The following BICD2 variants were observed in gnomAD, a reference collection of about 807,000 sequenced individuals.
BICD2 encodes protein bicaudal D homolog 2.
BICD2 carries 25 observed loss-of-function variants against 72.9 expected under a neutral mutation model. The ratio of observed to expected loss-of-function variants is 0.34; its 90% CI spans 0.25 to 0.48. The LOEUF (loss-of-function observed/expected upper bound fraction) is 0.48. Among genes scored for constraint, BICD2 ranks in the 20% least tolerant of loss-of-function variants. The pLI is 0.99. For missense variants in BICD2, 894 were observed against 1,175.2 expected, an observed-to-expected ratio of 0.76 and a Z score of 3.50; for synonymous variants, 501 against 516.1, an observed-to-expected ratio of 0.97 and a Z score of 0.40.
chr9:92,718,647 G>T lies in BICD2; in HGVS notation c.1998C>A (p.Asp666Glu). The T allele has an allele frequency of 6.2e-7, 1 of 1,613,968 alleles. No homozygotes were observed. Among genetic ancestry groups the T allele is most frequent in the Non-Finnish European group, 8.5e-7 (1 of 1,180,034 alleles). The stretch of plus-strand genomic sequence containing the variant: ...CCTCCATAAGCGCTTCCTTGTCCTT[G>T]TCCACGGCGGGGCCCAGCTCCTGAG... Reference protein sequence around the residue: ...IASQELGPAVDKDKEALMEEI... With the variant: ...IASQELGPAVEKDKEALMEEI... The change falls in exon 5 of 7, where the codon GAC becomes GAA. Residue 666 changes from aspartate to glutamate, a missense_variant. Asp to Glu is a conservative substitution (Grantham distance 45). Around this residue, in one of 5 missense-constraint regions of BICD2, gnomAD observed 321 missense variants for 443.9 expected, o/e 0.72. Coordinates refer to ENST00000356884, the MANE Select transcript of BICD2 (RefSeq NM_001003800.2).
intron 3 of BICD2, among the ~76,000 whole-genome samples, chr9:92,721,470 T>A (rs372131176): frequency 1.3e-5 from 2 of 152,240 alleles, no homozygotes; most frequent in East Asian, 3.8e-4. Flanking sequence ...TGATGCCTGA[T>A]GTGGAGGCTC....
chr9:92,733,836 G>C (rs959773004), intron 1 of BICD2, among the ~76,000 whole-genome samples: 1 of 152,046 alleles, frequency 6.6e-6, no homozygotes, highest in Middle Eastern at 3.4e-3. Flanking sequence ...GCGTGGCGGC[G>C]GGCGCCCGTA....
At position 92,715,457 on chromosome 9, in the gene BICD2, G is replaced by A. The variant is rs751036331; in HGVS notation, c.2265C>T (p.Asp755=). Residue 755 remains aspartate, a synonymous_variant, in exon 7 of 7, where the codon GAC becomes GAT. Coordinates refer to ENST00000356884, the MANE Select transcript of BICD2 (RefSeq NM_001003800.2). ...SLRAMFATRC[D]EYITQLDEMQ... ...TCTCATCCAGCTGTGTAATGTACTC[G>A]TCACACCTGTGGGTACCAAAAACAT... The A allele has an allele frequency of 5.4e-5, 85 of 1,583,362 alleles. No individual in the cohort carries two copies. Among genetic ancestry groups the A allele is most frequent in the Non-Finnish European group, 6.8e-5 (79 of 1,159,002 alleles).
chr9:92,729,275 CA>C lies in BICD2; in HGVS notation c.241-40del, dbSNP rs778840554. 5.5e-4 allele frequency: 876 copies of C among 1,606,102 alleles called. 2 individuals carry two copies. Among genetic ancestry groups the C allele is most frequent in the Non-Finnish European group, 7.2e-4 (842 of 1,174,276 alleles). ...CAAGACACTCGTGAGGTGGGCCTCCCAGGGGCGCCGAAGGATAGAGACCCAG... is the reference window on the plus strand; with the variant it reads ...CAAGACACTCGTGAGGTGGGCCTCCCGGGGCGCCGAAGGATAGAGACCCAG... On this transcript the variant is annotated intron_variant, in intron 1 of 6. Transcript: ENST00000356884.
At chr9:92,733,522 A>AG (rs1477872947) in intron 1 of BICD2, among the ~76,000 whole-genome samples, 4 of 151,944 alleles carry the variant, frequency 2.6e-5, no homozygotes, top group Non-Finnish European at 5.9e-5. Flanking sequence ...TGGACGACAG[A>AG]GGAAAAAAAA....
In BICD2 at chr9:92,715,416, G is replaced by A. The variant is rs773121830; in HGVS notation, c.2306C>T (p.Ala769Val). ...TQLDEMQRQL[A>V]AAEDEKKTLN... ...CGTCTTCTTCTCGTCCTCAGCAGCCGCCAGCTGCCGCTGCATCTCATCCAG... is the reference window on the plus strand; with the variant it reads ...CGTCTTCTTCTCGTCCTCAGCAGCCACCAGCTGCCGCTGCATCTCATCCAG... Residue 769 changes from alanine to valine, a missense_variant, in exon 7 of 7, where the codon GCG (alanine) becomes GTG (valine). Coordinates refer to ENST00000356884, the MANE Select transcript of BICD2 (RefSeq NM_001003800.2). 10 of 1,604,268 alleles carry A rather than the reference G, an allele frequency of 6.2e-6. No homozygotes were observed. In the East Asian group the frequency reaches 6.7e-5, roughly 11 times the overall value.
At position 92,715,241 on chromosome 9, in the gene BICD2, G is replaced by C. The variant is rs777787730; in HGVS notation, c.2481C>G (p.Thr827=). 2.5e-6 allele frequency: 4 copies of C among 1,613,318 alleles called. No individual in the cohort carries two copies. The highest frequency in any genetic ancestry group is 3.4e-6 in the Non-Finnish European group (4 of 1,179,944). The stretch of plus-strand genomic sequence containing the variant: ...CGGCCCTGTCGCTGGCACAGGCACA[G>C]GTGTGACTTACGCTCGGTGTGGCTG... ...TKPATPSVSH[T]CACASDRAEG... is the part of the protein sequence containing the mutation. The change falls in exon 7 of 7, where the codon ACC becomes ACG. Residue 827 remains threonine, a synonymous_variant. Coordinates refer to ENST00000356884, the MANE Select transcript of BICD2 (RefSeq NM_001003800.2).
At position 92,719,519 on chromosome 9, in the gene BICD2, T is replaced by C. The variant is rs757885234; in HGVS notation, c.1126A>G (p.Thr376Ala). The C allele has an allele frequency of 9.3e-6, 15 of 1,613,350 alleles. No individual in the cohort carries two copies. The South Asian group carries it at 1.6e-4, about 18-fold the overall frequency. The change falls in exon 5 of 7, where the codon ACG (threonine) becomes GCG (alanine). Residue 376 changes from threonine to alanine, a missense_variant. Transcript: ENST00000356884. ...TGCTGTTCTGACAGGGAGCCCCGCG[T>C]GTGCTCCAGCTGCTTCTGTGTGTCC... ...LQDTQKQLEH[T>A]RGSLSEQQEK...
rs1455487169 is a variant in BICD2, at chr9:92,722,764, G to A, written c.498C>T (p.Asp166=). 2 of 1,613,600 alleles carry A rather than the reference G, an allele frequency of 1.2e-6. No individual in the cohort carries two copies. Among genetic ancestry groups the A allele is most frequent in the Non-Finnish European group, 8.5e-7 (1 of 1,179,876 alleles). Residue 166 remains aspartate, a synonymous_variant, in exon 3 of 7, where the codon GAC becomes GAT. Coordinates refer to ENST00000356884, the MANE Select transcript of BICD2 (RefSeq NM_001003800.2). ...VEIQRGRLRD[D]IKEYKFREAR... ...CTTCCCGGAATTTGTACTCCTTGAT[G>A]TCATCCCGCAGGCGGCCACGCTGGA...
At chr9:92,744,507 A>G (rs143977889) in intron 1 of BICD2, among the ~76,000 whole-genome samples, 2 of 151,888 alleles carry the variant, frequency 1.3e-5, no homozygotes, top group Non-Finnish European at 2.9e-5. Context: ...TTTACCTTAC[A>G]CTCCAGTAAA....
chr9:92,738,434 T>C (rs1853831971), intron 1 of BICD2, among the ~76,000 whole-genome samples: 1 of 152,144 alleles, frequency 6.6e-6, no homozygotes, highest in South Asian at 2.1e-4. Flanking sequence ...CCTTACTCTG[T>C]AGCCAGCTAG....
chr9:92,713,818 G>A lies in BICD2; in HGVS notation c.*1336C>T. 1 of 1,112,480 alleles carries A rather than the reference G, an allele frequency of 9.0e-7. No homozygotes were observed. Among genetic ancestry groups the A allele is most frequent in the Non-Finnish European group, 1.1e-6 (1 of 904,678 alleles). The allele number at this position is 1,112,480 out of a possible 1,614,324, so 68.9% of individuals were successfully genotyped here. On this transcript the variant is annotated 3_prime_UTR_variant, in exon 7 of 7. Coordinates refer to ENST00000356884, the MANE Select transcript of BICD2 (RefSeq NM_001003800.2). ...TCTGGAGGGGACCGAAACATACTCG[G>A]CACCAAAGGGAAGAACGCGCAGGGC...
chr9:92,714,042 G>C lies in BICD2; in HGVS notation c.*1112C>G. The C allele has an allele frequency of 2.0e-6, 2 of 986,144 alleles. No homozygotes were observed. The highest frequency in any genetic ancestry group is 2.4e-6 in the Non-Finnish European group (2 of 830,406). 61.1% of individuals were successfully genotyped at this position (986,144 alleles called of 1,614,324 possible). ...AAGGCAGGTGTGGATGGAGCCTCTG[G>C]AAATGGGAGAACCCTACAGCTACCT... On this transcript the variant is annotated 3_prime_UTR_variant, in exon 7 of 7. Transcript: ENST00000356884.
At chr9:92,761,049 G>C (rs567057725) in intron 1 of BICD2, among the ~76,000 whole-genome samples, 8 of 152,284 alleles carry the variant, frequency 5.3e-5, no homozygotes, top group African/African-American at 1.9e-4. Flanking sequence ...CAGGTGCTGG[G>C]AACAGGGCTC....
intron 1 of BICD2, among the ~76,000 whole-genome samples, chr9:92,742,707 C>T (rs543071952): frequency 1.3e-5 from 2 of 152,132 alleles, no homozygotes; most frequent in South Asian, 2.1e-4. Context: ...TATCACCCCC[C>T]CCAAAGAAAC....
chr9:92,712,458 C>T lies in BICD2; in HGVS notation c.*2696G>A, dbSNP rs917778811. 6.6e-5 allele frequency: 10 copies of T among 152,486 alleles called. No homozygotes were observed. The allele number at this position is 152,486 out of a possible 1,614,324, so 9.4% of individuals were successfully genotyped here. A position where few individuals can be genotyped will look rare whatever the true frequency, so the allele number is the denominator to read the frequency against. On this transcript the variant is annotated 3_prime_UTR_variant, in exon 7 of 7. Transcript: ENST00000356884. ...AGGCACTACTGGCAATGATTACTAA[C>T]AAAAAGGTGTTGAAAGAGAACACCC...
chr9:92,716,686 T>C (rs763615707), intron 6 of BICD2, among the ~76,000 whole-genome samples: 8 of 152,210 alleles, frequency 5.3e-5, no homozygotes, highest in Non-Finnish European at 7.3e-5. Context: ...CAGGTGGCGC[T>C]ACCCATCTTT....
chr9:92,719,214 C>T lies in BICD2; in HGVS notation c.1431G>A (p.Glu477=), dbSNP rs1459424981. The part of the protein sequence containing the change: ...HAEEKGRYEA[E]GQALTEKVSL... ...AGACCTTCTCCGTGAGTGCCTGGCC[C>T]TCAGCCTCATAGCGGCCCTTCTCCT... Residue 477 remains glutamate, a synonymous_variant, in exon 5 of 7, where the codon GAG becomes GAA. Transcript: ENST00000356884. 6.2e-7 allele frequency: 1 copy of T among 1,611,422 alleles called. No individual in the cohort carries two copies. Among genetic ancestry groups the T allele is most frequent in the Non-Finnish European group, 8.5e-7 (1 of 1,179,990 alleles).
chr9:92,750,654 A>G (rs1854127603), intron 1 of BICD2, among the ~76,000 whole-genome samples: 1 of 152,128 alleles, frequency 6.6e-6, no homozygotes, highest in African/African-American at 2.4e-5. Flanking sequence ...AAACAGGTGA[A>G]GCATAGGGTT....
Sources: gnomAD v4.1 joint callset for allele counts (sites outside exome capture counted in the v4.1 genomes callset) on GRCh38, gnomAD v4.1.1 for gene constraint, gnomAD v4.1.1 regional missense constraint, MANE v1.5 for transcripts, NCBI Gene and HGNC (gene_info 2026-07-23, HGNC 2026-07-21) for gene names.